PHYHD1: variants seen among roughly 807,000 people sequenced by gnomAD.
The protein encoded by PHYHD1 is phytanoyl-CoA dioxygenase domain containing 1, also known as phytanoyl-CoA dioxygenase domain-containing protein 1.
In PHYHD1, 42 loss-of-function variants were observed where a neutral mutation model predicts 43.6. That is an observed-to-expected ratio of 0.96 (90% CI 0.75 to 1.25). PHYHD1 has a LOEUF of 1.25. Ranked by LOEUF, PHYHD1 falls within the 50% of genes most tolerant of loss-of-function variation. The probability of loss-of-function intolerance (pLI) is 0.00; values close to 1 mark genes in which losing one functional copy is unlikely to be tolerated. For synonymous variants in PHYHD1, 139 were observed against 143.6 expected (o/e 0.97, Z 0.23); for missense variants, 342 against 370.8 (o/e 0.92, Z 0.64).
chr9:128,928,268 G>T (rs1435425894), intron 4 of PHYHD1, among the ~76,000 whole-genome samples: 1 of 152,206 alleles, frequency 6.6e-6, no homozygotes, highest in Non-Finnish European at 1.5e-5. Flanking sequence ...GGGGGATACT[G>T]GGGGAAGCAG....
At chr9:128,931,817 T>C (rs1378866445) in intron 4 of PHYHD1, among the ~76,000 whole-genome samples, 4 of 150,778 alleles carry the variant, frequency 2.7e-5, no homozygotes, top group African/African-American at 9.8e-5. Context: ...GTGAGCCACC[T>C]CGCCCGGCCT....
chr9:128,929,466 G>A (rs952361574), intron 4 of PHYHD1, among the ~76,000 whole-genome samples: 1 of 151,374 alleles, frequency 6.6e-6, no homozygotes, highest in African/African-American at 2.4e-5. Flanking sequence ...GGAGGTCAAG[G>A]GTTCAAGACT....
chr9:128,927,590 G>C (rs576643759), intron 4 of PHYHD1, among the ~76,000 whole-genome samples: 1 of 152,104 alleles, frequency 6.6e-6, no homozygotes, highest in Admixed American at 6.6e-5. Context: ...TGGTCAGGCT[G>C]GTCTTGAACT....
chr9:128,934,804 T>C (rs113628123), intron 6 of PHYHD1, among the ~76,000 whole-genome samples: 8 of 149,802 alleles, frequency 5.3e-5, no homozygotes, highest in African/African-American at 2.0e-4. Flanking sequence ...AGAAAGCCCA[T>C]AGTAAATTAG....
Position 128,932,178 on chromosome 9 carries a change from A to ATTTT in PHYHD1, c.193-1602_193-1601insTTTT, listed in dbSNP as rs200138931. On this transcript the variant is annotated intron_variant, in intron 4 of 12. Coordinates refer to ENST00000372592, the MANE Select transcript of PHYHD1 (RefSeq NM_001100876.2). Reference sequence around the variant, plus strand: ...TATTATTATTATTATTGTTATTATTATTATTATTTTTTTTTTTTGAGATGG... The same window carrying ATTTT: ...TATTATTATTATTATTGTTATTATTATTTTTTATTATTTTTTTTTTTTGAGATGG... Among the ~76,000 whole-genome samples the ATTTT allele has an allele frequency of 2.5e-3, 266 of 107,832 alleles. 3 individuals are homozygous for ATTTT. Among genetic ancestry groups the ATTTT allele is most frequent in the African/African-American group, 8.0e-3 (179 of 22,252 alleles). The allele number at this position is 107,832 out of a possible 152,430, so 70.7% of individuals were successfully genotyped here.
At chr9:128,938,088 C>G (rs1841470795) in intron 9 of PHYHD1, 1 of 719,848 alleles carries the variant, frequency 1.4e-6, no homozygotes, top group East Asian at 4.1e-5. Flanking sequence ...GAGCGGATCA[C>G]CTGAGGTCAG....
At chr9:128,937,524 G>T (rs1841454345) in intron 8 of PHYHD1, among the ~76,000 whole-genome samples, 1 of 152,172 alleles carries the variant, frequency 6.6e-6, no homozygotes. Context: ...CTGTGATCTT[G>T]TTAGGCATGT....
chr9:128,928,216 C>CA (rs1475177442), intron 4 of PHYHD1, among the ~76,000 whole-genome samples: 1 of 152,134 alleles, frequency 6.6e-6, no homozygotes, highest in Non-Finnish European at 1.5e-5. Flanking sequence ...CAGTTTCTTC[C>CA]AAAAAGCTGG....
chr9:128,932,117 G>A (rs1320608597), intron 4 of PHYHD1, among the ~76,000 whole-genome samples: 6 of 150,976 alleles, frequency 4.0e-5, no homozygotes, highest in Non-Finnish European at 8.8e-5. Context: ...TTAAAGGCAT[G>A]AGCCACCGCA....
chr9:128,927,438 C>T (rs748376083), intron 4 of PHYHD1, among the ~76,000 whole-genome samples: 21 of 151,756 alleles, frequency 1.4e-4, no homozygotes, highest in Non-Finnish European at 2.6e-4. Flanking sequence ...TTCAGTGGCG[C>T]GATCTCAGCT....
At chr9:128,932,079 C>T (rs1324797480) in intron 4 of PHYHD1, among the ~76,000 whole-genome samples, 1 of 150,844 alleles carries the variant, frequency 6.6e-6, no homozygotes, top group Non-Finnish European at 1.5e-5. Flanking sequence ...GGGTGATCTG[C>T]CCACCTCAGC....
intron 6 of PHYHD1, among the ~76,000 whole-genome samples, chr9:128,936,135 C>T (rs1158877683): frequency 6.6e-6 from 1 of 151,852 alleles, no homozygotes; most frequent in Non-Finnish European, 1.5e-5. Context: ...CGAGGCCACA[C>T]AGAGCAAATG....
In PHYHD1 at chr9:128,922,044, C is replaced by T; in HGVS notation, c.-45C>T. ...CCTCTCACAGCATAATTTCCCGGCACCTGGTAAGCAGTGGTGGGGGGTGGT... is the reference window on the plus strand; with the variant it reads ...CCTCTCACAGCATAATTTCCCGGCATCTGGTAAGCAGTGGTGGGGGGTGGT... On this transcript the variant is annotated 5_prime_UTR_variant, in exon 2 of 13. Coordinates refer to ENST00000372592, the MANE Select transcript of PHYHD1 (RefSeq NM_001100876.2). 1 of 490,962 alleles carries T rather than the reference C, an allele frequency of 2.0e-6. No individual in the cohort carries two copies. The highest frequency in any genetic ancestry group is 3.6e-6 in the Non-Finnish European group (1 of 276,082). 30.4% of individuals were successfully genotyped at this position (490,962 alleles called of 1,614,324 possible).
intron 4 of PHYHD1, among the ~76,000 whole-genome samples, chr9:128,931,172 C>T (rs1020028919): frequency 6.6e-6 from 1 of 151,978 alleles, no homozygotes; most frequent in African/African-American, 2.4e-5. Context: ...AGTGCAGTGG[C>T]GTGATCTCAG....
chr9:128,937,825 C>A (rs1243008096), intron 9 of PHYHD1, 47 bp downstream of exon 9: 1 of 1,613,792 alleles, frequency 6.2e-7, no homozygotes, highest in East Asian at 2.2e-5. Context: ...GGTGGGACAT[C>A]TAAGACAGCA....
At chr9:128,933,923 G>GC in intron 5 of PHYHD1, 66 bp downstream of exon 5, 3 of 1,604,100 alleles carry the variant, frequency 1.9e-6, no homozygotes, top group Non-Finnish European at 2.6e-6. Context: ...CTGGGAATCT[G>GC]CCCCCTGGGC....
intron 3 of PHYHD1, among the ~76,000 whole-genome samples, chr9:128,925,550 T>G (rs1260129386): frequency 2.0e-5 from 3 of 152,092 alleles, no homozygotes; most frequent in Non-Finnish European, 4.4e-5. Context: ...GTGTCCCTGT[T>G]GGGGCTAAAA....
intron 11 of PHYHD1, among the ~76,000 whole-genome samples, chr9:128,940,963 C>T (rs1358305473): frequency 6.6e-6 from 1 of 152,166 alleles, no homozygotes; most frequent in Non-Finnish European, 1.5e-5. Flanking sequence ...ATGACTGACT[C>T]CCTGAGCCTT....
intron 11 of PHYHD1, among the ~76,000 whole-genome samples, chr9:128,941,188 G>C (rs17485388): frequency 6.6e-6 from 1 of 152,136 alleles, no homozygotes; most frequent in Non-Finnish European, 1.5e-5. Flanking sequence ...CAAAGACCTC[G>C]GGAGGGGAGG....
Sources: gnomAD v4.1 joint callset for allele counts (sites outside exome capture counted in the v4.1 genomes callset) on GRCh38, gnomAD v4.1.1 for gene constraint, MANE v1.5 for transcripts, NCBI Gene and HGNC (gene_info 2026-07-23, HGNC 2026-07-21) for gene names.